The following PAK1 variants were observed in gnomAD, a reference collection of about 807,000 sequenced individuals.
The protein encoded by PAK1 is p21 (RAC1) activated kinase 1, also known as serine/threonine-protein kinase PAK 1.
A neutral mutation model predicts 67.4 loss-of-function variants in PAK1; 29 were observed. The ratio of observed to expected loss-of-function variants is 0.43; its 90% CI spans 0.32 to 0.59. The LOEUF (loss-of-function observed/expected upper bound fraction) is 0.59, where lower values mean the gene tolerates loss of function less well. Among genes scored for constraint, PAK1 ranks in the 20% least tolerant of loss-of-function variants. PAK1 has a pLI of 0.07. For synonymous variants in PAK1, 223 were observed against 237.4 expected, an observed-to-expected ratio of 0.94 and a Z score of 0.56; for missense variants, 337 against 670.7, an observed-to-expected ratio of 0.50 and a Z score of 5.50.
chr11:77,489,981 C>CA, the PAK1 span, among the ~76,000 whole-genome samples: 1 of 150,898 alleles, frequency 6.6e-6, no homozygotes, highest in Admixed American at 6.6e-5. Flanking sequence ...TCTGCCCGGC[C>CA]GCCATCCCAT....
At chr11:77,423,005 AG>A (rs1178142876) in intron 1 of PAK1, among the ~76,000 whole-genome samples, 1 of 152,142 alleles carries the variant, frequency 6.6e-6, no homozygotes, top group Admixed American at 6.6e-5. Context: ...ACCCTATACA[AG>A]CAACCAATGC....
In PAK1 at chr11:77,416,693, C is replaced by T. The variant is rs529115587; in HGVS notation, c.-21-24152G>A. Among the ~76,000 whole-genome samples, 7 of 152,296 alleles carry T rather than the reference C, an allele frequency of 4.6e-5. No homozygotes were observed. In the South Asian group the frequency reaches 1.4e-3, roughly 32 times the overall value. On this transcript the variant is annotated intron_variant, in intron 1 of 14. Transcript: ENST00000356341. ...AATTGGCCAGGTGCTGTGGCTGACGCCTGTAATCCCAGCACTTTGGGAGGC... is the reference window on the plus strand; with the variant it reads ...AATTGGCCAGGTGCTGTGGCTGACGTCTGTAATCCCAGCACTTTGGGAGGC...
chr11:77,505,396 C>T, the PAK1 span, among the ~76,000 whole-genome samples: 1 of 152,164 alleles, frequency 6.6e-6, no homozygotes, highest in Non-Finnish European at 1.5e-5. Flanking sequence ...TCATATTGGC[C>T]AGGCTGCTCT....
chr11:77,348,360 C>T (rs1392090486), intron 9 of PAK1, among the ~76,000 whole-genome samples: 2 of 152,246 alleles, frequency 1.3e-5, no homozygotes, highest in East Asian at 3.8e-4. Context: ...ACCTCAAGTA[C>T]TCTATATTCC....
rs956888582 is a variant in PAK1, at chr11:77,322,498, C to T, written c.*776G>A. ...CTCTAAAAGTAGTCACCATTTTCCC[C>T]GACTTCTCAACACTGCTCTCACTCA... On this transcript the variant is annotated 3_prime_UTR_variant, in exon 15 of 15. Transcript: ENST00000356341. 4.7e-5 allele frequency: 9 copies of T among 192,290 alleles called. No individual in the cohort carries two copies. The highest frequency in any genetic ancestry group is 6.5e-5 in the Non-Finnish European group (6 of 91,878). 11.9% of individuals were successfully genotyped at this position (192,290 alleles called of 1,614,324 possible). A position where few individuals can be genotyped will look rare whatever the true frequency, so the allele number is the denominator to read the frequency against.
Position 77,336,089 on chromosome 11 carries a change from C to T in PAK1, c.1410G>A (p.Leu470=). 1 of 1,590,040 alleles carries T rather than the reference C, an allele frequency of 6.3e-7. No individual in the cohort carries two copies. Among genetic ancestry groups the T allele is most frequent in the East Asian group, 2.2e-5 (1 of 44,500 alleles). ...AAATAGAACTGGTAACACTCACTCTCAGAGGGTTTTCATTGAGGTATGGAG... is the reference window on the plus strand; with the variant it reads ...AAATAGAACTGGTAACACTCACTCTTAGAGGGTTTTCATTGAGGTATGGAG... ...GEPPYLNENP[L]RALYLIATNG... Residue 470 remains leucine, a synonymous_variant, in exon 13 of 15, where the codon CTG becomes CTA. Transcript: ENST00000356341.
chr11:77,373,457 G>A (rs1948695749), intron 5 of PAK1, among the ~76,000 whole-genome samples: 2 of 151,742 alleles, frequency 1.3e-5, no homozygotes, highest in Admixed American at 1.3e-4. Context: ...CTATTCAGAG[G>A]GCTGGGGCAG....
intron 1 of PAK1, among the ~76,000 whole-genome samples, chr11:77,422,379 G>A (rs1955312175): frequency 6.6e-6 from 1 of 152,010 alleles, no homozygotes; most frequent in Non-Finnish European, 1.5e-5. Context: ...CGGCTAACAT[G>A]GTGAAATCCC....
At chr11:77,510,624 T>C in the PAK1 span, among the ~76,000 whole-genome samples, 1 of 152,252 alleles carries the variant, frequency 6.6e-6, no homozygotes, top group Non-Finnish European at 1.5e-5. Context: ...TATTCAGTTT[T>C]GTCTCTACGG....
intron 1 of PAK1, among the ~76,000 whole-genome samples, chr11:77,461,048 G>A (rs965544448): frequency 5.3e-5 from 8 of 152,162 alleles, no homozygotes; most frequent in African/African-American, 9.6e-5. Context: ...ATCATCAAAA[G>A]AAAGGCTGTA....
At chr11:77,336,019 G>A (rs1442320912) in intron 13 of PAK1, 67 bp downstream of exon 13, 5 of 1,023,556 alleles carry the variant, frequency 4.9e-6, no homozygotes, top group Non-Finnish European at 5.8e-6. Flanking sequence ...AGAACACCCT[G>A]GATTCTTATT....
intron 5 of PAK1, among the ~76,000 whole-genome samples, chr11:77,372,347 G>T (rs1394281604): frequency 6.6e-6 from 1 of 152,184 alleles, no homozygotes; most frequent in Non-Finnish European, 1.5e-5. Flanking sequence ...GGAATCAGAT[G>T]CCTATTGCCA....
At chr11:77,468,572 G>A (rs1425400630) in intron 1 of PAK1, among the ~76,000 whole-genome samples, 2 of 152,138 alleles carry the variant, frequency 1.3e-5, no homozygotes, top group Admixed American at 1.3e-4. Flanking sequence ...AGCCTGATCT[G>A]GCAGCTTCAG....
chr11:77,377,369 T>C (rs988336022), intron 4 of PAK1, among the ~76,000 whole-genome samples: 3 of 152,160 alleles, frequency 2.0e-5, no homozygotes, highest in African/African-American at 7.2e-5. Flanking sequence ...AAAAAACCTA[T>C]ACCAAATATG....
the PAK1 span, among the ~76,000 whole-genome samples, chr11:77,504,275 C>A: frequency 6.7e-6 from 1 of 150,374 alleles, no homozygotes; most frequent in African/African-American, 2.5e-5. Context: ...AATAACTACA[C>A]TTTCTAAAGC....
chr11:77,448,777 G>T (rs996088020), intron 1 of PAK1, among the ~76,000 whole-genome samples: 2 of 152,188 alleles, frequency 1.3e-5, no homozygotes, highest in Non-Finnish European at 1.5e-5. Flanking sequence ...GACTACCCAT[G>T]GGAAGTTTTT....
intron 1 of PAK1, among the ~76,000 whole-genome samples, chr11:77,423,035 A>G (rs888183457): frequency 3.3e-5 from 5 of 152,108 alleles, no homozygotes; most frequent in Non-Finnish European, 7.4e-5. Context: ...CAGAAAATTA[A>G]TTCCTATATT....
intron 1 of PAK1, among the ~76,000 whole-genome samples, chr11:77,435,594 C>T (rs1248721543): frequency 3.4e-5 from 5 of 148,988 alleles, no homozygotes; most frequent in African/African-American, 4.9e-5. Context: ...CCCGGGTTCA[C>T]GCCATTCTCT....
At chr11:77,494,082 T>G in the PAK1 span, among the ~76,000 whole-genome samples, 5 of 152,164 alleles carry the variant, frequency 3.3e-5, no homozygotes, top group South Asian at 2.1e-4. Context: ...ATAATATTTT[T>G]AAAAACATGC....
Sources: gnomAD v4.1 joint callset for allele counts (sites outside exome capture counted in the v4.1 genomes callset) on GRCh38, gnomAD v4.1.1 for gene constraint, MANE v1.5 for transcripts, NCBI Gene and HGNC (gene_info 2026-07-23, HGNC 2026-07-21) for gene names.